Variants in SMYD3 observed in about 807,000 individuals in gnomAD.
SMYD3 encodes the protein histone-lysine N-methyltransferase SMYD3.
A neutral mutation model predicts 57.7 loss-of-function variants in SMYD3; 36 were observed. The observed-to-expected ratio is 0.62, with a 90% confidence interval of 0.48 to 0.82. The LOEUF (loss-of-function observed/expected upper bound fraction) is 0.82, where lower values mean the gene tolerates loss of function less well. Among genes scored for constraint, SMYD3 ranks in the 40% least tolerant of loss-of-function variants. The pLI is 0.00. For missense variants in SMYD3, 515 were observed against 538.8 expected, an observed-to-expected ratio of 0.96 and a Z score of 0.44; for synonymous variants, 211 against 195.0, an observed-to-expected ratio of 1.08 and a Z score of -0.68.
In SMYD3 at chr1:246,439,113, G is replaced by GA. The variant is rs998273244; in HGVS notation, c.164+67940_164+67941insT. On this transcript the variant is annotated intron_variant, in intron 1 of 11. Transcript: ENST00000490107. ...TGCCACATTGTTATTTTCGGGGGGG[G>GA]GGGTTCCCAATTTTTTATTTTTATT... 2.7e-4 allele frequency among the ~76,000 whole-genome samples: 40 copies of GA among 149,452 alleles called. 1 individual carries two copies. The highest frequency in any genetic ancestry group is 5.6e-4 in the Non-Finnish European group (38 of 67,374).
At chr1:246,430,117 A>T (rs1057002512) in intron 1 of SMYD3, among the ~76,000 whole-genome samples, 17 of 145,424 alleles carry the variant, frequency 1.2e-4, no homozygotes, top group African/African-American at 4.4e-4. Context: ...CAAGGATATG[A>T]CTGGCAAGTA....
intron 5 of SMYD3, among the ~76,000 whole-genome samples, chr1:246,117,140 A>G (rs1016564785): frequency 5.3e-5 from 8 of 152,224 alleles, no homozygotes; most frequent in Non-Finnish European, 1.0e-4. Context: ...TGCTTGTCAG[A>G]TCTTAGAACA....
chr1:246,185,485 T>C (rs963705563), intron 5 of SMYD3, among the ~76,000 whole-genome samples: 5 of 141,484 alleles, frequency 3.5e-5, no homozygotes, highest in Admixed American at 7.1e-5. Context: ...GACGGAGTTT[T>C]GCTCTGTCGC....
At chr1:246,280,798 T>C (rs1265434424) in intron 5 of SMYD3, among the ~76,000 whole-genome samples, 1 of 152,224 alleles carries the variant, frequency 6.6e-6, no homozygotes, top group Non-Finnish European at 1.5e-5. Context: ...TTTCTGCATT[T>C]ATCAGATGCT....
intron 5 of SMYD3, among the ~76,000 whole-genome samples, chr1:246,129,726 T>C (rs556553499): frequency 1.3e-5 from 2 of 152,330 alleles, no homozygotes; most frequent in African/African-American, 4.8e-5. Context: ...TCTGTTCACG[T>C]AACATGAATA....
intron 5 of SMYD3, among the ~76,000 whole-genome samples, chr1:246,027,824 T>C (rs572369017): frequency 6.6e-6 from 1 of 152,332 alleles, no homozygotes; most frequent in East Asian, 1.9e-4. Flanking sequence ...TTTGTAAGGC[T>C]ATAGCTGCCA....
intron 5 of SMYD3, among the ~76,000 whole-genome samples, chr1:246,120,008 G>C (rs867187157): frequency 6.6e-6 from 1 of 152,146 alleles, no homozygotes; most frequent in Non-Finnish European, 1.5e-5. Context: ...AGGGAAATTG[G>C]TCTATTTTTA....
At chr1:246,032,259 G>C (rs2059690652) in intron 5 of SMYD3, among the ~76,000 whole-genome samples, 1 of 152,102 alleles carries the variant, frequency 6.6e-6, no homozygotes, top group African/African-American at 2.4e-5. Flanking sequence ...TAGATTACAG[G>C]AAGGGGCTGC....
intron 5 of SMYD3, among the ~76,000 whole-genome samples, chr1:245,946,850 T>C (rs558656899): frequency 6.6e-6 from 1 of 152,252 alleles, no homozygotes; most frequent in South Asian, 2.1e-4. Context: ...AAAACAAAAA[T>C]GTAAAAAACT....
chr1:246,281,403 C>G (rs1254748468), intron 5 of SMYD3, among the ~76,000 whole-genome samples: 1 of 152,220 alleles, frequency 6.6e-6, no homozygotes, highest in African/African-American at 2.4e-5. Flanking sequence ...CACACTATCA[C>G]ATTTACCCTA....
chr1:246,174,449 T>C (rs2062398735), intron 5 of SMYD3, among the ~76,000 whole-genome samples: 1 of 152,086 alleles, frequency 6.6e-6, no homozygotes, highest in South Asian at 2.1e-4. Flanking sequence ...GGTTTTCTTG[T>C]TTGTTGTTTG....
intron 5 of SMYD3, among the ~76,000 whole-genome samples, chr1:246,181,329 A>G (rs1372964558): frequency 6.6e-6 from 1 of 152,218 alleles, no homozygotes; most frequent in African/African-American, 2.4e-5. Flanking sequence ...TAGTGGAAGT[A>G]GGAGGCATCC....
intron 5 of SMYD3, among the ~76,000 whole-genome samples, chr1:246,123,588 A>G (rs1260922362): frequency 6.7e-6 from 1 of 148,902 alleles, no homozygotes; most frequent in Non-Finnish European, 1.5e-5. Context: ...ACACACACAC[A>G]CACACACACA....
chr1:246,166,379 C>T (rs538873990), intron 5 of SMYD3, among the ~76,000 whole-genome samples: 1 of 152,276 alleles, frequency 6.6e-6, no homozygotes, highest in Non-Finnish European at 1.5e-5. Context: ...CTGAAACCTA[C>T]CCTGATTAGG....
At chr1:245,961,670 G>T (rs1402851684) in intron 5 of SMYD3, among the ~76,000 whole-genome samples, 7 of 152,096 alleles carry the variant, frequency 4.6e-5, no homozygotes, top group Non-Finnish European at 7.3e-5. Flanking sequence ...GTTAAGATGT[G>T]TAGCCTAGGA....
chr1:245,969,533 C>G (rs1475101708), intron 5 of SMYD3, among the ~76,000 whole-genome samples: 1 of 152,182 alleles, frequency 6.6e-6, no homozygotes, highest in Non-Finnish European at 1.5e-5. Context: ...TCAGCACAAA[C>G]TCAGAAACAT....
intron 5 of SMYD3, among the ~76,000 whole-genome samples, chr1:245,962,064 A>G (rs2058024756): frequency 6.6e-6 from 1 of 152,056 alleles, no homozygotes; most frequent in South Asian, 2.1e-4. Flanking sequence ...TCTAAACATC[A>G]TACCACATGA....
intron 10 of SMYD3, among the ~76,000 whole-genome samples, chr1:245,816,429 C>A (rs2048804514): frequency 1.4e-5 from 2 of 140,854 alleles, no homozygotes; most frequent in South Asian, 4.7e-4. Flanking sequence ...ACGACTGGAA[C>A]AATGCAATAC....
chr1:245,952,300 A>G (rs1435331354), intron 5 of SMYD3, among the ~76,000 whole-genome samples: 1 of 152,214 alleles, frequency 6.6e-6, no homozygotes, highest in Admixed American at 6.5e-5. Flanking sequence ...GCAAAATCAA[A>G]CACCAGGAAA....
Sources: gnomAD v4.1 joint callset for allele counts (sites outside exome capture counted in the v4.1 genomes callset) on GRCh38, gnomAD v4.1.1 for gene constraint, MANE v1.5 for transcripts, NCBI Gene and HGNC (gene_info 2026-07-23, HGNC 2026-07-21) for gene names.